FCRL2: variants seen among roughly 807,000 people sequenced by gnomAD.
The protein encoded by FCRL2 is Fc receptor like 2.
A neutral mutation model predicts 59.8 loss-of-function variants in FCRL2; 48 were observed. That is an observed-to-expected ratio of 0.80 (90% confidence interval 0.64 to 1.02). The LOEUF (loss-of-function observed/expected upper bound fraction) is 1.02. Among genes scored for constraint, FCRL2 ranks in the 50% least tolerant of loss-of-function variants. The probability of loss-of-function intolerance (pLI) is 0.00; values close to 1 mark genes in which losing one functional copy is unlikely to be tolerated. For missense variants in FCRL2, 658 were observed against 597.3 expected (o/e 1.10, Z -1.06); for synonymous variants, 251 against 229.5 (o/e 1.09, Z -0.85).
At chr1:157,760,739 G>GAAAGAAAGAAAGAAAT (rs1649012349) in intron 7 of FCRL2, among the ~76,000 whole-genome samples, 1 of 143,302 alleles carries the variant, frequency 7.0e-6, no homozygotes, top group African/African-American at 2.6e-5. Context: ...AAGAAAGAAA[G>GAAAGAAAGAAAGAAAT]AAAGAAAGAA....
At position 157,748,533 on chromosome 1, in the gene FCRL2, A is replaced by G. The variant is rs200770449; in HGVS notation, c.1459+20T>C. 209 of 1,603,912 alleles carry G rather than the reference A, an allele frequency of 1.3e-4. 1 individual carries two copies. Among genetic ancestry groups the G allele is most frequent in the Admixed American group, 2.8e-4 (17 of 59,932 alleles). Reference sequence around the variant, plus strand: ...TCCTGTGAATATGCATCTGACAAGAACTACTTTGCAGTTTCTCACCTGAGC... The same window carrying G: ...TCCTGTGAATATGCATCTGACAAGAGCTACTTTGCAGTTTCTCACCTGAGC... On this transcript the variant is annotated intron_variant, in intron 10 of 11. Transcript: ENST00000361516.
intron 7 of FCRL2, among the ~76,000 whole-genome samples, chr1:157,755,305 C>T (rs932712858): frequency 6.6e-6 from 1 of 151,972 alleles, no homozygotes; most frequent in African/African-American, 2.4e-5. Flanking sequence ...AAACATAAAT[C>T]AAAACTACAG....
chr1:157,747,092 C>T (rs1647805574), intron 10 of FCRL2, among the ~76,000 whole-genome samples, 193 bp from the exon 11 acceptor site: 1 of 152,208 alleles, frequency 6.6e-6, no homozygotes, highest in African/African-American at 2.4e-5. Flanking sequence ...CCAAGCCCTC[C>T]ACCAGCACTT....
In FCRL2 at chr1:157,750,233, T is replaced by C. The variant is rs1335090615; in HGVS notation, c.1280-556A>G. ...AAACAAGAAACGCAGTATATTAGCA[T>C]AGATGTATCAGCTGTGTGTTTAAAG... On this transcript the variant is annotated intron_variant, in intron 7 of 11. Transcript: ENST00000361516. 5.9e-5 allele frequency among the ~76,000 whole-genome samples: 9 copies of C among 152,332 alleles called. No homozygotes were observed. In the East Asian group the frequency reaches 1.2e-3, roughly 20 times the overall value.
chr1:157,768,333 C>T (rs1649687671), intron 5 of FCRL2, 81 bp downstream of exon 5: 2 of 1,462,218 alleles, frequency 1.4e-6, no homozygotes, highest in Non-Finnish European at 1.9e-6. Context: ...CCTGGGGCCT[C>T]CTGAAATTTC....
chr1:157,751,372 T>C (rs1203062044), intron 7 of FCRL2, among the ~76,000 whole-genome samples: 1 of 152,148 alleles, frequency 6.6e-6, no homozygotes, highest in Admixed American at 6.5e-5. Context: ...GAATTTACAA[T>C]TGCAAGTTTT....
chr1:157,759,617 T>A (rs1290819176), intron 7 of FCRL2, among the ~76,000 whole-genome samples: 3 of 152,076 alleles, frequency 2.0e-5, no homozygotes, highest in African/African-American at 7.2e-5. Flanking sequence ...CAAACAACAC[T>A]ATTTAAAAAT....
At chr1:157,765,803 C>T (rs1649446728) in intron 7 of FCRL2, among the ~76,000 whole-genome samples, 1 of 152,136 alleles carries the variant, frequency 6.6e-6, no homozygotes, top group Non-Finnish European at 1.5e-5. Flanking sequence ...GTTTGAAGCA[C>T]CAGGACATAA....
chr1:157,770,307 G>T, intron 3 of FCRL2, 102 bp downstream of exon 3: 1 of 1,465,876 alleles, frequency 6.8e-7, no homozygotes, highest in Non-Finnish European at 9.3e-7. Flanking sequence ...AAGCACTCCC[G>T]TCTATATTTA....
chr1:157,752,739 T>C (rs1648288804), intron 7 of FCRL2, among the ~76,000 whole-genome samples: 1 of 152,190 alleles, frequency 6.6e-6, no homozygotes, highest in Admixed American at 6.6e-5. Flanking sequence ...TGAAAGCCTA[T>C]ATAAGTAAAA....
intron 7 of FCRL2, among the ~76,000 whole-genome samples, chr1:157,754,668 T>A (rs1648452029): frequency 6.6e-6 from 1 of 151,932 alleles, no homozygotes; most frequent in South Asian, 2.1e-4. Context: ...GTGATACAAT[T>A]CTAGAAGAAA....
chr1:157,768,564 C>A lies in FCRL2; in HGVS notation c.733G>T (p.Gly245Ter). Residue 245 changes from glycine (G) to a stop codon, truncating the protein, a stop_gained, in exon 5 of 12, where the codon GGA becomes TGA. Coordinates refer to ENST00000361516, the MANE Select transcript of FCRL2 (RefSeq NM_030764.4). LOFTEE classifies it high-confidence loss of function. Reference sequence around the variant, plus strand: ...TGGGTTTTCTTTCCCATACTGGTTCCTGTGGCCTCTCTGTACCAGGAGAAT... The same window carrying A: ...TGGGTTTTCTTTCCCATACTGGTTCATGTGGCCTCTCTGTACCAGGAGAAT... ...VTFSWYREAT[G>*]TSMGKKTQRS... 6.2e-7 allele frequency: 1 copy of A among 1,614,232 alleles called. No individual in the cohort carries two copies. Among genetic ancestry groups the A allele is most frequent in the South Asian group, 1.1e-5 (1 of 91,082 alleles).
intron 2 of FCRL2, among the ~76,000 whole-genome samples, chr1:157,772,141 G>A (rs550954775): frequency 2.0e-5 from 3 of 149,940 alleles, no homozygotes; most frequent in Admixed American, 6.7e-5. Context: ...TCATGGAAAC[G>A]CCACCGTGGG....
chr1:157,756,455 A>G (rs1648595384), intron 7 of FCRL2, among the ~76,000 whole-genome samples: 1 of 152,146 alleles, frequency 6.6e-6, no homozygotes, highest in Non-Finnish European at 1.5e-5. Context: ...GGCCAAGGTA[A>G]GAAGATCGCT....
chr1:157,749,875 A>G (rs996112135), intron 7 of FCRL2, among the ~76,000 whole-genome samples, 198 bp from the exon 8 acceptor site: 2 of 152,000 alleles, frequency 1.3e-5, no homozygotes, highest in African/African-American at 2.4e-5. Context: ...TTTTTTTCCC[A>G]CTGATTTAAA....
At chr1:157,757,993 A>G (rs1648733642) in intron 7 of FCRL2, among the ~76,000 whole-genome samples, 1 of 152,206 alleles carries the variant, frequency 6.6e-6, no homozygotes, top group Non-Finnish European at 1.5e-5. Flanking sequence ...TTGTTCTTTA[A>G]GCCACCCAAT....
At chr1:157,764,234 A>G (rs1251622293) in intron 7 of FCRL2, among the ~76,000 whole-genome samples, 2 of 139,044 alleles carry the variant, frequency 1.4e-5, no homozygotes, top group African/African-American at 6.6e-5. Flanking sequence ...AATAATGGTG[A>G]AAAAAAAACA....
chr1:157,767,451 C>G lies in FCRL2; in HGVS notation c.942G>C (p.Gly314=). ...LRSPGAQAAV[G]DLLELHCEAL... ...CCTCACAGTGAAGCTCCAGCAGGTC[C>G]CCCACTGCAGCCTGGGCCCCAGGAG... The change falls in exon 6 of 12, where the codon GGG becomes GGC. Residue 314 remains glycine, a synonymous_variant. Transcript: ENST00000361516. 6.2e-7 allele frequency: 1 copy of G among 1,614,210 alleles called. No individual in the cohort carries two copies. Among genetic ancestry groups the G allele is most frequent in the Non-Finnish European group, 8.5e-7 (1 of 1,180,028 alleles).
At chr1:157,775,638 T>G in intron 2 of FCRL2, 137 bp downstream of exon 2, 1 of 876,766 alleles carries the variant, frequency 1.1e-6, no homozygotes, top group Non-Finnish European at 1.7e-6. Flanking sequence ...CTGCGTGACC[T>G]CAGAACATGT....
Sources: allele counts gnomAD v4.1 joint callset (sites outside exome capture counted in the v4.1 genomes callset), GRCh38; gene constraint gnomAD v4.1.1; transcripts MANE v1.5; gene names NCBI Gene and HGNC (gene_info 2026-07-23, HGNC 2026-07-21).